The following GABRG3 variants were observed in gnomAD, a reference collection of about 807,000 sequenced individuals.
GABRG3 encodes gamma-aminobutyric acid receptor subunit gamma-3.
GABRG3 carries 25 observed loss-of-function variants against 48.8 expected under a neutral mutation model. The ratio of observed to expected loss-of-function variants is 0.51; its 90% CI spans 0.37 to 0.72. GABRG3 has a LOEUF of 0.72. Ranked by LOEUF, GABRG3 falls within the 30% of genes least tolerant of loss-of-function variation. GABRG3 has a pLI of 0.00. For missense variants in GABRG3, 394 were observed against 577.9 expected (o/e 0.68, Z 3.26); for synonymous variants, 227 against 217.6 (o/e 1.04, Z -0.38).
At chr15:27,189,868 T>C (rs1397494566) in intron 3 of GABRG3, among the ~76,000 whole-genome samples, 1 of 152,168 alleles carries the variant, frequency 6.6e-6, no homozygotes, top group African/African-American at 2.4e-5. Flanking sequence ...GGGTTTGTCA[T>C]AGATAGCTCT....
intron 3 of GABRG3, among the ~76,000 whole-genome samples, chr15:27,061,455 T>C (rs1456858357): frequency 6.6e-6 from 1 of 152,144 alleles, no homozygotes; most frequent in Non-Finnish European, 1.5e-5. Flanking sequence ...TCTTTTTTTT[T>C]TTTTTTGTTA....
At chr15:27,143,014 C>T (rs1898133237) in intron 3 of GABRG3, among the ~76,000 whole-genome samples, 1 of 152,130 alleles carries the variant, frequency 6.6e-6, no homozygotes, top group Non-Finnish European at 1.5e-5. Context: ...CTCAGCCTCC[C>T]AAAATGCTAA....
At chr15:27,103,922 A>AT (rs1415214514) in intron 3 of GABRG3, among the ~76,000 whole-genome samples, 1 of 152,216 alleles carries the variant, frequency 6.6e-6, no homozygotes, top group Non-Finnish European at 1.5e-5. Context: ...CTCTTTTGAC[A>AT]TATCTGTTTC....
At chr15:27,217,088 C>A (rs1165433235) in intron 3 of GABRG3, among the ~76,000 whole-genome samples, 1 of 151,046 alleles carries the variant, frequency 6.6e-6, no homozygotes, top group Non-Finnish European at 1.5e-5. Context: ...TCATCCACGT[C>A]CCTACAAAGG....
At position 27,319,727 on chromosome 15, in the gene GABRG3, G is replaced by T. The variant is rs1893355751; in HGVS notation, c.271-7082G>T. Among the ~76,000 whole-genome samples the T allele has an allele frequency of 6.6e-6, 1 of 152,136 alleles. No homozygotes were observed. The highest frequency in any genetic ancestry group is 1.5e-5 in the Non-Finnish European group (1 of 68,032). Reference sequence around the variant, plus strand: ...ATGTTGTACCAATGCGTGCACCATGGTGGCTATAGTAACGGGTTGGTTTGT... The same window carrying T: ...ATGTTGTACCAATGCGTGCACCATGTTGGCTATAGTAACGGGTTGGTTTGT... On this transcript the variant is annotated intron_variant, in intron 3 of 9. Transcript: ENST00000615808. This position sits in a 1 kb window ranked among gnomAD's most constrained non-coding sequence, Gnocchi z 4.4.
chr15:26,996,125 T>C (rs1284562243), intron 2 of GABRG3, among the ~76,000 whole-genome samples: 1 of 152,184 alleles, frequency 6.6e-6, no homozygotes, highest in African/African-American at 2.4e-5. Context: ...TTTATGCAAT[T>C]GCCTTTTAAG....
At chr15:27,216,214 G>C (rs533235444) in intron 3 of GABRG3, among the ~76,000 whole-genome samples, 5 of 152,206 alleles carry the variant, frequency 3.3e-5, no homozygotes, top group African/African-American at 1.2e-4. Flanking sequence ...CGGGTGCAGG[G>C]CCCTCTGCAA....
chr15:27,307,365 A>ATAGGTTTATATATGTTTATATATAAACC (rs1566770993), intron 3 of GABRG3, among the ~76,000 whole-genome samples: 1 of 20,072 alleles, frequency 5.0e-5, no homozygotes, highest in African/African-American at 2.3e-4. Context: ...ATATATAACC[A>ATAGGTTTATATATGTTTATATATAAACC]TATAGGTTTA....
intron 3 of GABRG3, among the ~76,000 whole-genome samples, chr15:27,176,835 C>T (rs1432177483): frequency 2.0e-5 from 3 of 152,054 alleles, no homozygotes; most frequent in Admixed American, 2.0e-4. Context: ...GGATGGGCAG[C>T]CCAGCTACCT....
At chr15:27,380,732 AG>A (rs1463312921) in intron 5 of GABRG3, among the ~76,000 whole-genome samples, 1 of 147,080 alleles carries the variant, frequency 6.8e-6, no homozygotes, top group Non-Finnish European at 1.5e-5. Flanking sequence ...TGTGGTGCTC[AG>A]GGGCTACGGG....
At chr15:27,098,938 C>A (rs1224686308) in intron 3 of GABRG3, among the ~76,000 whole-genome samples, 1 of 152,084 alleles carries the variant, frequency 6.6e-6, no homozygotes, top group African/African-American at 2.4e-5. Flanking sequence ...GGCGGATTGC[C>A]TGGTGACCTT....
intron 3 of GABRG3, among the ~76,000 whole-genome samples, chr15:27,054,448 A>G (rs186415317): frequency 4.3e-4 from 66 of 152,286 alleles, no homozygotes; most frequent in Non-Finnish European, 8.8e-4. Context: ...GAAGGAAATA[A>G]GCAACACTGG....
intron 3 of GABRG3, among the ~76,000 whole-genome samples, chr15:27,102,287 G>T (rs955986775): frequency 1.3e-5 from 2 of 152,158 alleles, no homozygotes; most frequent in Non-Finnish European, 2.9e-5. Flanking sequence ...AATGAGTTTG[G>T]TTTTTGTTAT....
chr15:27,080,527 C>T (rs925072487), intron 3 of GABRG3, among the ~76,000 whole-genome samples: 5 of 152,066 alleles, frequency 3.3e-5, no homozygotes, highest in African/African-American at 4.8e-5. Context: ...ACATGTATTC[C>T]GAGCTATTCA....
intron 2 of GABRG3, among the ~76,000 whole-genome samples, chr15:27,003,447 G>A (rs1238770421): frequency 6.6e-6 from 1 of 151,154 alleles, no homozygotes; most frequent in Non-Finnish European, 1.5e-5. Context: ...CTGCCTTCAA[G>A]CATCTGTTTA....
intron 6 of GABRG3, among the ~76,000 whole-genome samples, chr15:27,515,328 G>A (rs1454384280): frequency 2.6e-5 from 4 of 151,982 alleles, no homozygotes; most frequent in Admixed American, 6.6e-5. Flanking sequence ...TCCTGACCTC[G>A]GGTTATCCAC....
chr15:27,450,917 G>A (rs1194904317), intron 5 of GABRG3, among the ~76,000 whole-genome samples: 2 of 151,898 alleles, frequency 1.3e-5, no homozygotes, highest in African/African-American at 2.4e-5. Flanking sequence ...CATTAACAAT[G>A]GACTATCTGA....
chr15:27,403,719 C>A (rs1429583368), intron 5 of GABRG3, among the ~76,000 whole-genome samples: 3 of 151,130 alleles, frequency 2.0e-5, no homozygotes, highest in African/African-American at 7.3e-5. Flanking sequence ...TGGAGACCAG[C>A]CTGGTCAACA....
chr15:27,313,753 AAGTT>A (rs1449781774), intron 3 of GABRG3, among the ~76,000 whole-genome samples: 4 of 152,254 alleles, frequency 2.6e-5, no homozygotes, highest in Admixed American at 2.6e-4. Context: ...ATCAAAAAGT[AAGTT>A]AGAAAATACC....
Sources: gnomAD v4.1 joint callset for allele counts (sites outside exome capture counted in the v4.1 genomes callset) on GRCh38, gnomAD v4.1.1 for gene constraint, Gnocchi (gnomAD v3.1) non-coding constraint, MANE v1.5 for transcripts, NCBI Gene and HGNC (gene_info 2026-07-23, HGNC 2026-07-21) for gene names.